The following ESRRB variants were observed in gnomAD, a reference collection of about 807,000 sequenced individuals.
ESRRB encodes steroid hormone receptor ERR2.
Under a neutral mutation model 46.0 loss-of-function variants are expected in ESRRB, and 16 were observed. The ratio of observed to expected loss-of-function variants is 0.35; its 90% CI spans 0.24 to 0.53. The LOEUF is 0.53. ESRRB is among the 20% of genes least tolerant of loss of function. ESRRB has a pLI of 0.93. For synonymous variants in ESRRB, 246 were observed against 259.6 expected (o/e 0.95, Z 0.50); for missense variants, 488 against 607.4 (o/e 0.80, Z 2.07).
chr14:76,385,685 A>G (rs569618888), intron 1 of ESRRB, among the ~76,000 whole-genome samples: 1 of 152,328 alleles, frequency 6.6e-6, no homozygotes, highest in African/African-American at 2.4e-5. Context: ...CAAGCCAGTG[A>G]TAATTCACTG....
At chr14:76,488,259 T>C (rs1337003170) in intron 5 of ESRRB, among the ~76,000 whole-genome samples, 2 of 152,214 alleles carry the variant, frequency 1.3e-5, no homozygotes, top group Non-Finnish European at 2.9e-5. Context: ...CCTTGGAGTA[T>C]ACCTTTGGAT....
intron 3 of ESRRB, 133 bp from the exon 4 acceptor site, chr14:76,481,883 C>CGTGG: frequency 1.3e-6 from 1 of 795,542 alleles, no homozygotes; most frequent in Non-Finnish European, 2.2e-6. Context: ...TGAGGCTGGC[C>CGTGG]GTGGGGCAGC....
intron 1 of ESRRB, among the ~76,000 whole-genome samples, chr14:76,329,301 T>G (rs1205207629): frequency 6.6e-6 from 1 of 152,018 alleles, no homozygotes; most frequent in East Asian, 1.9e-4. Flanking sequence ...TGACCTTATG[T>G]CCCCAACACT....
chr14:76,370,364 C>T (rs760752820), upstream of ESRRB, among the ~76,000 whole-genome samples: 4 of 151,858 alleles, frequency 2.6e-5, no homozygotes, highest in African/African-American at 9.7e-5. Flanking sequence ...CGCCATTGTA[C>T]TCCAGTCTGG....
At chr14:76,341,716 C>T (rs1884193602) in intron 1 of ESRRB, among the ~76,000 whole-genome samples, 4 of 152,342 alleles carry the variant, frequency 2.6e-5, no homozygotes, top group Admixed American at 2.6e-4. Context: ...AATAAGCCCA[C>T]CCACTGTCTC....
chr14:76,469,929 G>GTTTTTTTTTTTTTTT (rs769935944), intron 3 of ESRRB, among the ~76,000 whole-genome samples: 48 of 78,652 alleles, frequency 6.1e-4, no homozygotes, highest in Middle Eastern at 8.9e-3. Context: ...GTTTTTTGTT[G>GTTTTTTTTTTTTTTT]TTTTTTTTTT....
chr14:76,340,413 AG>A (rs1324479387), intron 1 of ESRRB, among the ~76,000 whole-genome samples: 1 of 152,212 alleles, frequency 6.6e-6, no homozygotes, highest in African/African-American at 2.4e-5. Flanking sequence ...TGAAAGAGCC[AG>A]GAAGACCTAG....
chr14:76,445,482 A>AAAAAAAAAG (rs1555398182), intron 2 of ESRRB, among the ~76,000 whole-genome samples: 1 of 120,074 alleles, frequency 8.3e-6, no homozygotes, highest in African/African-American at 4.3e-5. Context: ...AAAAAAAAAA[A>AAAAAAAAAG]AAAGAAAGAA....
intron 1 of ESRRB, among the ~76,000 whole-genome samples, chr14:76,353,975 A>G (rs1041636817): frequency 2.0e-5 from 3 of 152,126 alleles, no homozygotes; most frequent in African/African-American, 7.2e-5. Flanking sequence ...ATAAAAATAA[A>G]GAAAAGAAAA....
rs568112693 is a variant in ESRRB, at chr14:76,346,438, G to A, written c.2+35522G>A. On this transcript the variant is annotated intron_variant, in intron 1 of 6. Transcript: ENST00000512784. ...GGGCACCCATCCCTGGCTCACCCAG[G>A]GCAACACCCTTAGTGTCCTGGGTTT... Among the ~76,000 whole-genome samples, 6 of 152,320 alleles carry A rather than the reference G, an allele frequency of 3.9e-5. No individual in the cohort carries two copies. The South Asian group carries it at 1.2e-3, about 32-fold the overall frequency.
intron 1 of ESRRB, among the ~76,000 whole-genome samples, chr14:76,325,989 A>G (rs1004598229): frequency 5.9e-5 from 9 of 152,290 alleles, no homozygotes; most frequent in Admixed American, 5.9e-4. Context: ...TCTATGTTTG[A>G]GACACCTCCT....
intron 1 of ESRRB, among the ~76,000 whole-genome samples, chr14:76,329,264 C>T (rs55643833): frequency 0.054 from 8,212 of 152,152 alleles, 312 homozygotes; most frequent in Middle Eastern, 0.14. Flanking sequence ...AATAAATAAT[C>T]GAGTCAATCT....
chr14:76,496,459 G>GGGAAGAGGGAGTGTAAACTTCTGT (rs374463353), intron 6 of ESRRB, among the ~76,000 whole-genome samples: 2 of 152,178 alleles, frequency 1.3e-5, no homozygotes, highest in African/African-American at 2.4e-5. Flanking sequence ...AGGAAATGGG[G>GGGAAGAGGGAGTGTAAACTTCTGT]AAAGAACAGG....
chr14:76,480,341 G>A (rs944346912), intron 3 of ESRRB, among the ~76,000 whole-genome samples: 6 of 152,318 alleles, frequency 3.9e-5, no homozygotes, highest in African/African-American at 1.4e-4. Flanking sequence ...TTGCCCTCCA[G>A]GGCTGGAGTC....
chr14:76,470,469 A>T (rs61246383), intron 3 of ESRRB, among the ~76,000 whole-genome samples: 3 of 152,140 alleles, frequency 2.0e-5, no homozygotes, highest in South Asian at 2.1e-4. Context: ...TCTCACAGAC[A>T]TCTAGAAGGA....
intron 5 of ESRRB, among the ~76,000 whole-genome samples, chr14:76,484,020 A>T (rs1447563087): frequency 6.6e-6 from 1 of 152,096 alleles, no homozygotes; most frequent in African/African-American, 2.4e-5. Context: ...CACCCAGCTA[A>T]TTTTTTTGTA....
intron 1 of ESRRB, among the ~76,000 whole-genome samples, chr14:76,354,219 T>TTCC (rs1595052871): frequency 3.6e-5 from 2 of 56,034 alleles, no homozygotes; most frequent in African/African-American, 1.8e-4. Flanking sequence ...CAGGGTCCTC[T>TTCC]ACCCGCCCCC....
At chr14:76,317,012 T>C (rs1883808788) in intron 1 of ESRRB, among the ~76,000 whole-genome samples, 1 of 152,180 alleles carries the variant, frequency 6.6e-6, no homozygotes, top group African/African-American at 2.4e-5. Flanking sequence ...GTGGTACACA[T>C]GAGAGGAAGA....
intron 1 of ESRRB, among the ~76,000 whole-genome samples, chr14:76,396,829 C>A (rs1196067510): frequency 6.6e-6 from 1 of 152,208 alleles, no homozygotes; most frequent in Non-Finnish European, 1.5e-5. Context: ...CAGCCAGGCT[C>A]GGCCTGGGTT....
Sources: allele counts gnomAD v4.1 joint callset (sites outside exome capture counted in the v4.1 genomes callset), GRCh38; gene constraint gnomAD v4.1.1; transcripts MANE v1.5; gene names NCBI Gene and HGNC (gene_info 2026-07-23, HGNC 2026-07-21).